The following TMEM217 variants were observed in gnomAD, a reference collection of about 807,000 sequenced individuals.
TMEM217 encodes chromosome 6 open reading frame 128.
For synonymous variants in TMEM217, 76 were observed against 88.3 expected, an observed-to-expected ratio of 0.86 and a Z score of 0.78; for missense variants, 204 against 248.8, an observed-to-expected ratio of 0.82 and a Z score of 1.21.
At chr6:37,225,847 T>C (rs1456956735) in intron 1 of TMEM217, among the ~76,000 whole-genome samples, 1 of 152,220 alleles carries the variant, frequency 6.6e-6, no homozygotes, top group Non-Finnish European at 1.5e-5. Flanking sequence ...ACAGTCTTGC[T>C]CATAAAAGAA....
chr6:37,248,322 G>C (rs1765210060), intron 1 of TMEM217, among the ~76,000 whole-genome samples: 2 of 152,176 alleles, frequency 1.3e-5, no homozygotes. Flanking sequence ...ATAAAAGCTA[G>C]TTAGAAGAAT....
intron 1 of TMEM217, among the ~76,000 whole-genome samples, chr6:37,243,236 C>G (rs909462099): frequency 6.6e-6 from 1 of 152,244 alleles, no homozygotes; most frequent in African/African-American, 2.4e-5. Context: ...TTTGCCCCTT[C>G]TTCCACTCTG....
At position 37,239,459 on chromosome 6, in the gene TMEM217, A is replaced by C. The variant is rs953419079; in HGVS notation, c.-12+18109T>G. The stretch of plus-strand genomic sequence containing the variant: ...CACTGAACTCCAGTCTGGGTGACAG[A>C]GCAAGACTCTGTCTTAAAAAATAAA... On this transcript the variant is annotated intron_variant, in intron 1 of 1. Transcript: ENST00000357219. Among the ~76,000 whole-genome samples the C allele has an allele frequency of 4.7e-5, 7 of 148,976 alleles. No homozygotes were observed. In the East Asian group the frequency reaches 1.4e-3, roughly 29 times the overall value.
chr6:37,232,226 A>G (rs898679493), intron 1 of TMEM217, among the ~76,000 whole-genome samples: 1 of 152,224 alleles, frequency 6.6e-6, no homozygotes, highest in Non-Finnish European at 1.5e-5. Context: ...AAATAGAATT[A>G]GAGATCACAA....
chr6:37,252,815 T>C (rs764913784), intron 1 of TMEM217, among the ~76,000 whole-genome samples: 6 of 151,536 alleles, frequency 4.0e-5, no homozygotes, highest in African/African-American at 1.5e-4. Flanking sequence ...ATTTTTTGTA[T>C]TTTTGATAGA....
chr6:37,235,434 C>T (rs960193846), intron 1 of TMEM217, among the ~76,000 whole-genome samples: 6 of 152,072 alleles, frequency 3.9e-5, no homozygotes, highest in Non-Finnish European at 7.4e-5. Context: ...GGTGCCATCT[C>T]GGCTCACTGC....
At chr6:37,253,071 A>C (rs1325370176) in intron 1 of TMEM217, among the ~76,000 whole-genome samples, 1 of 151,938 alleles carries the variant, frequency 6.6e-6, no homozygotes, top group African/African-American at 2.4e-5. Flanking sequence ...CTTTGACAAA[A>C]CCCATATATT....
At chr6:37,218,300 C>T in exon 2 of TMEM217, 1 of 1,190,508 alleles carries the variant, frequency 8.4e-7, no homozygotes, top group Non-Finnish European at 1.1e-6. Flanking sequence ...TCTCAAGTGG[C>T]TGGGATTACA....
downstream of TMEM217, chr6:37,212,833 G>A (rs1312590661): frequency 7.4e-6 from 8 of 1,078,032 alleles, no homozygotes; most frequent in South Asian, 2.7e-5. Context: ...GACTAGCTCC[G>A]ACTTTGAGTC....
chr6:37,252,699 G>T (rs1297356065), intron 1 of TMEM217, among the ~76,000 whole-genome samples: 1 of 143,852 alleles, frequency 7.0e-6, no homozygotes, highest in Non-Finnish European at 1.5e-5. Flanking sequence ...GAGTGCAATG[G>T]CACAATCTCG....
At chr6:37,249,146 C>CT (rs1190312916) in intron 1 of TMEM217, among the ~76,000 whole-genome samples, 1 of 152,152 alleles carries the variant, frequency 6.6e-6, no homozygotes, top group Non-Finnish European at 1.5e-5. Flanking sequence ...GTTAAAGATC[C>CT]TTTTTCTGAA....
intron 1 of TMEM217, among the ~76,000 whole-genome samples, chr6:37,241,248 AT>A (rs76279831): frequency 1.1e-3 from 160 of 144,984 alleles, no homozygotes; most frequent in Middle Eastern, 3.6e-3. Flanking sequence ...TACCTGGTTA[AT>A]TTTTTTTTTT....
At chr6:37,220,090 G>C (rs1197703106) in intron 1 of TMEM217, among the ~76,000 whole-genome samples, 1 of 152,184 alleles carries the variant, frequency 6.6e-6, no homozygotes, top group Non-Finnish European at 1.5e-5. Flanking sequence ...ACAAAAGTAG[G>C]AGGAAGAAAA....
At position 37,239,583 on chromosome 6, in the gene TMEM217, A is replaced by G. The variant is rs73417866; in HGVS notation, c.-12+17985T>C. Among the ~76,000 whole-genome samples the G allele has an allele frequency of 6.8e-3, 1,035 of 152,312 alleles. 18 individuals carry two copies. The highest frequency in any genetic ancestry group is 0.024 in the African/African-American group (992 of 41,562). On this transcript the variant is annotated intron_variant, in intron 1 of 1. Coordinates refer to ENST00000357219, the Ensembl canonical transcript of TMEM217. The stretch of plus-strand genomic sequence containing the variant: ...TGATATTTGTATTTCAGTGGTACCT[A>G]AGATAATGATGCATTTTGCAGTTGA...
chr6:37,256,562 C>G (rs1467219370), intron 1 of TMEM217, among the ~76,000 whole-genome samples: 1 of 152,082 alleles, frequency 6.6e-6, no homozygotes, highest in Non-Finnish European at 1.5e-5. Context: ...GTAAAAATAG[C>G]CCTTGTCATC....
chr6:37,255,942 A>C (rs976120604), intron 1 of TMEM217, among the ~76,000 whole-genome samples: 5 of 152,232 alleles, frequency 3.3e-5, no homozygotes, highest in African/African-American at 1.2e-4. Context: ...CTGTAGAAAT[A>C]ACAGGGCTTT....
chr6:37,229,345 T>TTGTTTTG (rs1764050313), intron 1 of TMEM217, among the ~76,000 whole-genome samples: 2 of 128,698 alleles, frequency 1.6e-5, no homozygotes, highest in African/African-American at 6.1e-5. Context: ...GTTTTTTTTT[T>TTGTTTTG]TTTTTTTTTT....
At chr6:37,236,399 A>G (rs1452196867) in intron 1 of TMEM217, among the ~76,000 whole-genome samples, 2 of 152,166 alleles carry the variant, frequency 1.3e-5, no homozygotes, top group African/African-American at 4.8e-5. Context: ...GAGTATGAGC[A>G]TGTGTATTTT....
chr6:37,245,294 T>G (rs561149017), intron 1 of TMEM217, among the ~76,000 whole-genome samples: 1 of 152,228 alleles, frequency 6.6e-6, no homozygotes, highest in Non-Finnish European at 1.5e-5. Context: ...TAATGAGCAT[T>G]TGACTCCATA....
Sources: gnomAD v4.1 joint callset for allele counts (sites outside exome capture counted in the v4.1 genomes callset) on GRCh38, gnomAD v4.1.1 for gene constraint, MANE v1.5 for transcripts, NCBI Gene and HGNC (gene_info 2026-07-23, HGNC 2026-07-21) for gene names.